DIS3: variants seen among roughly 807,000 people sequenced by gnomAD.
DIS3 encodes exosome complex exonuclease RRP44.
A neutral mutation model predicts 113.0 loss-of-function variants in DIS3; 103 were observed. The ratio of observed to expected loss-of-function variants is 0.91; its 90% CI spans 0.78 to 1.07. The LOEUF (loss-of-function observed/expected upper bound fraction) is 1.07, where lower values mean the gene tolerates loss of function less well. DIS3 is among the 50% of genes least tolerant of loss of function. The pLI, the probability that DIS3 is intolerant of heterozygous loss-of-function variation, is 0.00. For missense variants in DIS3, 1,121 were observed against 1,167.1 expected, an observed-to-expected ratio of 0.96 and a Z score of 0.58; for synonymous variants, 402 against 394.3, an observed-to-expected ratio of 1.02 and a Z score of -0.23.
At chr13:72,766,160 G>C in intron 14 of DIS3, 102 bp from the exon 15 acceptor site, 4 of 926,016 alleles carry the variant, frequency 4.3e-6, no homozygotes, top group Non-Finnish European at 6.3e-6. Flanking sequence ...CAGCAAGTGT[G>C]TAATAGTTGC....
In DIS3 at chr13:72,771,149, C is replaced by G. The variant is rs2033877767; in HGVS notation, c.1606-4G>C. 6.2e-7 allele frequency: 1 copy of G among 1,611,762 alleles called. No individual in the cohort carries two copies. The stretch of plus-strand genomic sequence containing the variant: ...ACTCTGGAACCATGTCAATCCTCTG[C>G]AAAAGATAAAAATAGAACCACAGAT... On this transcript the variant is annotated splice_region_variant and splice_polypyrimidine_tract_variant and intron_variant, in intron 11 of 20. Transcript: ENST00000377767.
At chr13:72,777,565 T>C (rs2138230326) in intron 3 of DIS3, 72 bp from the exon 4 acceptor site, 2 of 1,269,770 alleles carry the variant, frequency 1.6e-6, no homozygotes, top group South Asian at 1.2e-5. Context: ...GATAGTCTTG[T>C]TTGCGACAGT....
At chr13:72,771,938 G>A (rs750515776) in intron 10 of DIS3, 42 bp from the exon 11 acceptor site, 3 of 1,577,652 alleles carry the variant, frequency 1.9e-6, no homozygotes. Flanking sequence ...ATGCTTGACT[G>A]GGTAAATGTA....
At chr13:72,772,297 A>T in intron 9 of DIS3, 22 bp from the exon 10 acceptor site, 1 of 1,546,198 alleles carries the variant, frequency 6.5e-7, no homozygotes, top group Non-Finnish European at 8.8e-7. Context: ...GAAATGATAA[A>T]CAAATAAATT....
Position 72,775,290 on chromosome 13 carries a change from ACCCACTGACTC to A in DIS3, c.897_907del (p.Lys299AsnfsTer10), listed in dbSNP as rs775631053. ...ATGTAAAACCACAGAAGATGGTGCT[ACCCACTGACTC>A]TTGGGGAGAAGCTCCACAGCCACAA... On this transcript the variant is annotated frameshift_variant, in exon 6 of 21. Coordinates refer to ENST00000377767, the MANE Select transcript of DIS3 (RefSeq NM_014953.5). LOFTEE classifies it high-confidence loss of function. The A allele has an allele frequency of 6.2e-7, 1 of 1,613,774 alleles. No individual in the cohort carries two copies. The highest frequency in any genetic ancestry group is 8.5e-7 in the Non-Finnish European group (1 of 1,179,770).
chr13:72,777,024 T>C (rs1006234520), intron 4 of DIS3, among the ~76,000 whole-genome samples: 1 of 152,170 alleles, frequency 6.6e-6, no homozygotes, highest in African/African-American at 2.4e-5. Context: ...AATTGAAAAA[T>C]TACTAACCTA....
Position 72,772,190 on chromosome 13 carries a change from T to C in DIS3, c.1472A>G (p.His491Arg), listed in dbSNP as rs759560988. The C allele has an allele frequency of 3.7e-6, 6 of 1,613,358 alleles. No individual in the cohort carries two copies. Among genetic ancestry groups the C allele is most frequent in the Non-Finnish European group, 2.5e-6 (3 of 1,179,860 alleles). ...ATTTCCATTTTCGAGTTCTCGACAA[T>C]GTAGAGCATCGTCTATATCAGTACA... ...PGCTDIDDAL[H>R]CRELENGNLE... is the part of the protein sequence containing the mutation. The change falls in exon 10 of 21, where the codon CAT becomes CGT. Residue 491 changes from histidine (H) to arginine (R), a missense_variant. His to Arg is a conservative substitution (Grantham distance 29). Coordinates refer to ENST00000377767, the MANE Select transcript of DIS3 (RefSeq NM_014953.5).
At chr13:72,769,138 A>G (rs2138188822) in intron 13 of DIS3, among the ~76,000 whole-genome samples, 1 of 152,344 alleles carries the variant, frequency 6.6e-6, no homozygotes, top group South Asian at 2.1e-4. Context: ...TTTAAAAGGT[A>G]AAATGGCAAT....
chr13:72,768,982 A>G, intron 13 of DIS3, 70 bp from the exon 14 acceptor site: 1 of 963,164 alleles, frequency 1.0e-6, no homozygotes, highest in Admixed American at 2.5e-5. Context: ...ATGTCCTCCT[A>G]CTTTCACTAC....
At chr13:72,774,564 T>C (rs976850529) in intron 6 of DIS3, among the ~76,000 whole-genome samples, 1 of 152,092 alleles carries the variant, frequency 6.6e-6, no homozygotes, top group African/African-American at 2.4e-5. Flanking sequence ...TTTCACCTCT[T>C]AACACTATCC....
rs532188532 is a variant in DIS3 at position 72,755,266 on chromosome 13, T to C, written c.*4529A>G. 2.3e-4 allele frequency: 332 copies of C among 1,475,084 alleles called. 4 individuals carry two copies. In the South Asian group the frequency reaches 3.6e-3, roughly 16 times the overall value. The allele number at this position is 1,475,084 out of a possible 1,614,324, so 91.4% of individuals were successfully genotyped here. On this transcript the variant is annotated 3_prime_UTR_variant, in exon 21 of 21. Transcript: ENST00000377767. The stretch of plus-strand genomic sequence containing the variant: ...TAAGCTTAAGAGTTCCTCGCATATA[T>C]CGTTGTGCACAGGATCAACATGATG...
intron 7 of DIS3, 21 bp downstream of exon 7, chr13:72,773,925 T>C (rs1381521616): frequency 6.3e-7 from 1 of 1,583,380 alleles, no homozygotes; most frequent in Admixed American, 1.8e-5. Flanking sequence ...TTTTATTACA[T>C]AGTAAATGCT....
At chr13:72,777,325 G>C in intron 4 of DIS3, 95 bp downstream of exon 4, 2 of 1,202,738 alleles carry the variant, frequency 1.7e-6, no homozygotes, top group Non-Finnish European at 2.4e-6. Context: ...CTTACCCACC[G>C]ACATTCCAAT....
Position 72,780,325 on chromosome 13 carries a change from CAAAAAA to C in DIS3, c.386+515_386+520del, listed in dbSNP as rs397851597. On this transcript the variant is annotated intron_variant, in intron 2 of 20. Transcript: ENST00000377767. ...TGGGTGACAGAGTGAGACTCCATCT[CAAAAAA>C]AAAAAAAAAAAAAAAAAAAGAATTC... Among the ~76,000 whole-genome samples, 11 of 55,380 alleles carry C rather than the reference CAAAAAA, an allele frequency of 2.0e-4. No homozygotes were observed. The South Asian group carries it at 8.1e-3, about 41-fold the overall frequency. 36.3% of individuals were successfully genotyped at this position (55,380 alleles called of 152,430 possible). A position where few individuals can be genotyped will look rare whatever the true frequency, so the allele number is the denominator to read the frequency against.
At chr13:72,764,268 T>C (rs1339150876) in intron 15 of DIS3, among the ~76,000 whole-genome samples, 2 of 152,230 alleles carry the variant, frequency 1.3e-5, no homozygotes, top group African/African-American at 2.4e-5. Context: ...TTTTATTTAA[T>C]TGTAAATCAA....
In DIS3 at chr13:72,781,681, T is replaced by A. The variant is rs1279203430; in HGVS notation, c.152A>T (p.Gln51Leu). Residue 51 changes from glutamine (Q) to leucine (L), a missense_variant, in exon 1 of 21, where the codon CAG (glutamine) becomes CTG (leucine). Physicochemically the swap from Gln to Leu is moderately radical, Grantham distance 113. Around this residue, in one of 3 missense-constraint regions of DIS3, gnomAD observed 254 missense variants for 232.2 expected, o/e 1.09. Coordinates refer to ENST00000377767, the MANE Select transcript of DIS3 (RefSeq NM_014953.5). ...GACGCTGCTCGCCGGGTCCTGGGGC[T>A]GCGGCTCCAGGGCCGGCCCCTCGTG... ...GAHEGPALEP[Q>L]PQDPASSVCP... The A allele has an allele frequency of 6.4e-7, 1 of 1,552,950 alleles. No individual in the cohort carries two copies. Among genetic ancestry groups the A allele is most frequent in the Non-Finnish European group, 8.7e-7 (1 of 1,149,028 alleles).
chr13:72,772,565 T>C (rs112643790), intron 9 of DIS3, 128 bp downstream of exon 9: 9 of 1,032,922 alleles, frequency 8.7e-6, no homozygotes, highest in African/African-American at 6.5e-5. Flanking sequence ...CTAAGAATGC[T>C]ATACCCAACA....
rs769870873 is a variant in DIS3 at position 72,781,869 on chromosome 13, C to A, written c.-37G>T. The A allele has an allele frequency of 1.7e-5, 25 of 1,494,378 alleles. No homozygotes were observed. The highest frequency in any genetic ancestry group is 1.5e-4 in the East Asian group (6 of 40,082). 92.6% of individuals were successfully genotyped at this position (1,494,378 alleles called of 1,614,324 possible). On this transcript the variant is annotated 5_prime_UTR_variant, in exon 1 of 21. Coordinates refer to ENST00000377767, the MANE Select transcript of DIS3 (RefSeq NM_014953.5). ...GCGCAGAATCCTAACCCCAGCAGCG[C>A]TCTTCCAGCAAAAGGCGTCAATCTA...
At position 72,760,553 on chromosome 13, in the gene DIS3, G is replaced by T; in HGVS notation, c.2769C>A (p.Ile923=). 6.2e-7 allele frequency: 1 copy of T among 1,613,590 alleles called. No individual in the cohort carries two copies. Among genetic ancestry groups the T allele is most frequent in the Non-Finnish European group, 8.5e-7 (1 of 1,179,652 alleles). The stretch of plus-strand genomic sequence containing the variant: ...CCTGTGGTTCTACCAGGGACATTCG[G>T]ATCTTCTGATGTTGAAGATTAGATG... ...LDSSNLQHQK[I]RMSLVEPQIP... The change falls in exon 20 of 21, where the codon ATC becomes ATA. Residue 923 remains isoleucine, a synonymous_variant. Transcript: ENST00000377767.
Sources: allele counts gnomAD v4.1 joint callset (sites outside exome capture counted in the v4.1 genomes callset), GRCh38; gene constraint gnomAD v4.1.1; regional missense constraint gnomAD v4.1.1; transcripts MANE v1.5; gene names NCBI Gene and HGNC (gene_info 2026-07-23, HGNC 2026-07-21).